Variants in NCALD observed in about 807,000 individuals in gnomAD.
NCALD encodes the protein neurocalcin delta.
NCALD carries 10 observed loss-of-function variants against 18.6 expected under a neutral mutation model. The observed-to-expected ratio is 0.54, with a 90% CI of 0.33 to 0.91. NCALD has a LOEUF of 0.91. Ranked by LOEUF, NCALD falls within the 40% of genes least tolerant of loss-of-function variation. NCALD has a pLI of 0.03. For missense variants in NCALD, 184 were observed against 247.6 expected (o/e 0.74, Z 1.72); for synonymous variants, 88 against 87.4 (o/e 1.01, Z -0.04).
intron 1 of NCALD, among the ~76,000 whole-genome samples, chr8:102,100,362 A>G (rs1222015272): frequency 2.6e-5 from 4 of 152,218 alleles, no homozygotes; most frequent in Non-Finnish European, 1.5e-5. Flanking sequence ...AATCTTGAAA[A>G]TCCCACAGCA....
intron 2 of NCALD, among the ~76,000 whole-genome samples, chr8:101,985,877 C>CTTAG (rs1820788596): frequency 7.2e-5 from 11 of 152,066 alleles, no homozygotes; most frequent in Admixed American, 7.2e-4. Flanking sequence ...ACTTGGAAGC[C>CTTAG]TTAGGGACTC....
At chr8:101,922,154 GA>G (rs57292977) in intron 2 of NCALD, among the ~76,000 whole-genome samples, 10,268 of 138,114 alleles carry the variant, frequency 0.074, 557 homozygotes, top group African/African-American at 0.16. Context: ...AGATTTTACT[GA>G]AAAAAAAAAA....
chr8:101,748,809 A>G (rs1241480765), intron 1 of NCALD, among the ~76,000 whole-genome samples: 1 of 152,202 alleles, frequency 6.6e-6, no homozygotes, highest in Non-Finnish European at 1.5e-5. Flanking sequence ...AAACCAGTAC[A>G]TTATGCAGTC....
intron 4 of NCALD, among the ~76,000 whole-genome samples, chr8:101,826,587 G>A (rs1813946917): frequency 6.6e-6 from 1 of 152,226 alleles, no homozygotes; most frequent in African/African-American, 2.4e-5. Flanking sequence ...AAAACAGAAA[G>A]ATGGATATGT....
chr8:101,829,355 G>T (rs1210120425), intron 4 of NCALD, among the ~76,000 whole-genome samples: 6 of 152,016 alleles, frequency 3.9e-5, no homozygotes, highest in Non-Finnish European at 7.4e-5. Flanking sequence ...TATTACAAAA[G>T]GTTTTCATGA....
chr8:101,727,355 A>G (rs888487297), intron 1 of NCALD, among the ~76,000 whole-genome samples: 1 of 152,162 alleles, frequency 6.6e-6, no homozygotes, highest in Non-Finnish European at 1.5e-5. Context: ...GATCTTCTAC[A>G]ACAACTCTCC....
At chr8:101,945,810 AG>A (rs1819146194) in intron 2 of NCALD, among the ~76,000 whole-genome samples, 1 of 152,232 alleles carries the variant, frequency 6.6e-6, no homozygotes, top group African/African-American at 2.4e-5. Flanking sequence ...ATCTCCTGCC[AG>A]GCAAGAATTT....
At chr8:101,931,511 C>A (rs1818571121) in intron 2 of NCALD, among the ~76,000 whole-genome samples, 1 of 152,154 alleles carries the variant, frequency 6.6e-6, no homozygotes, top group Admixed American at 6.5e-5. Context: ...GTGCATGACT[C>A]CATGTCCTGA....
chr8:101,776,662 C>T (rs1794555271), intron 1 of NCALD, among the ~76,000 whole-genome samples: 1 of 152,096 alleles, frequency 6.6e-6, no homozygotes, highest in South Asian at 2.1e-4. Context: ...AACTTGAAAG[C>T]TCCATTCTAA....
intron 4 of NCALD, among the ~76,000 whole-genome samples, chr8:101,819,572 A>G (rs1474622580): frequency 2.0e-5 from 3 of 152,134 alleles, no homozygotes; most frequent in Non-Finnish European, 4.4e-5. Context: ...TATAAGCGCT[A>G]CATTGCTCTC....
At chr8:101,754,774 C>G (rs1039455189) in intron 1 of NCALD, among the ~76,000 whole-genome samples, 1 of 151,828 alleles carries the variant, frequency 6.6e-6, no homozygotes, top group Non-Finnish European at 1.5e-5. Context: ...CAACCTGAAC[C>G]CAGGTGTCTC....
chr8:101,712,514 T>A (rs1815844265), intron 2 of NCALD, among the ~76,000 whole-genome samples: 1 of 141,350 alleles, frequency 7.1e-6, no homozygotes, highest in Non-Finnish European at 1.5e-5. Context: ...TTCAGGAGAC[T>A]CATCTCACAT....
intron 4 of NCALD, among the ~76,000 whole-genome samples, chr8:101,819,365 A>T (rs536675198): frequency 6.6e-6 from 1 of 151,590 alleles, no homozygotes; most frequent in South Asian, 2.1e-4. Context: ...TTATTTCTTG[A>T]GTTACTGGAA....
At chr8:101,943,706 C>T (rs1819046276) in intron 2 of NCALD, among the ~76,000 whole-genome samples, 1 of 151,718 alleles carries the variant, frequency 6.6e-6, no homozygotes, top group African/African-American at 2.4e-5. Context: ...TTTGGGAGGC[C>T]GAGGCGGGCG....
chr8:101,849,566 T>C (rs928245756), intron 4 of NCALD, among the ~76,000 whole-genome samples: 11 of 152,168 alleles, frequency 7.2e-5, no homozygotes, highest in African/African-American at 2.7e-4. Flanking sequence ...CTGCCCATTT[T>C]TCCGATAGGA....
intron 1 of NCALD, among the ~76,000 whole-genome samples, chr8:102,024,072 C>G (rs1822372641): frequency 6.6e-6 from 1 of 152,254 alleles, no homozygotes; most frequent in East Asian, 1.9e-4. Context: ...TGCCAGAGTT[C>G]TTATAAAGAA....
At chr8:101,739,384 T>A (rs976717796) in intron 1 of NCALD, among the ~76,000 whole-genome samples, 2 of 152,234 alleles carry the variant, frequency 1.3e-5, no homozygotes, top group African/African-American at 4.8e-5. Flanking sequence ...AGTGTCTATC[T>A]TTCCCTGTGT....
intron 1 of NCALD, among the ~76,000 whole-genome samples, chr8:101,787,452 C>T (rs1273449545): frequency 1.3e-5 from 2 of 152,162 alleles, no homozygotes; most frequent in African/African-American, 4.8e-5. Flanking sequence ...AGCTCCCATT[C>T]TCTTACGCGG....
At chr8:101,868,706 T>C (rs1296810389) in intron 4 of NCALD, among the ~76,000 whole-genome samples, 1 of 152,084 alleles carries the variant, frequency 6.6e-6, no homozygotes, top group Non-Finnish European at 1.5e-5. Context: ...ACCAGACTGA[T>C]CACAGGCCAC....
Sources: allele counts gnomAD v4.1 joint callset (sites outside exome capture counted in the v4.1 genomes callset), GRCh38; gene constraint gnomAD v4.1.1; transcripts MANE v1.5; gene names NCBI Gene and HGNC (gene_info 2026-07-23, HGNC 2026-07-21).